The following REST variants were observed in gnomAD, a reference collection of about 807,000 sequenced individuals.
The protein encoded by REST is RE1 silencing transcription factor, also known as RE1-silencing transcription factor.
REST carries 1 observed loss-of-function variant against 30.4 expected under a neutral mutation model. That is an observed-to-expected ratio of 0.03 (90% confidence interval 0.01 to 0.16). The LOEUF (loss-of-function observed/expected upper bound fraction) is 0.16. Among genes scored for constraint, REST ranks in the 10% least tolerant of loss-of-function variants. REST has a pLI of 1.00. For synonymous variants in REST, 504 were observed against 451.1 expected, an observed-to-expected ratio of 1.12 and a Z score of -1.49; for missense variants, 1,259 against 1,329.5, an observed-to-expected ratio of 0.95 and a Z score of 0.82.
chr4:56,930,699 G>A lies in REST; in HGVS notation c.1841G>A (p.Gly614Glu). The stretch of plus-strand genomic sequence containing the variant: ...GCTCAGATGGACCCTCCTCAGATGG[G>A]GCCTGCTCCCACAGAGGCGGTTCAG... ...GSAQMDPPQM[G>E]PAPTEAVQKG... Residue 614 changes from glycine to glutamate, a missense_variant, in exon 4 of 4, where the codon GGG becomes GAG. Coordinates refer to ENST00000309042, the MANE Select transcript of REST (RefSeq NM_005612.5). The A allele has an allele frequency of 6.2e-7, 1 of 1,608,848 alleles. No homozygotes were observed. Among genetic ancestry groups the A allele is most frequent in the Non-Finnish European group, 8.5e-7 (1 of 1,178,706 alleles).
chr4:56,927,704 A>T (rs1720775005), intron 3 of REST: 3 of 992,928 alleles, frequency 3.0e-6, no homozygotes, highest in African/African-American at 1.7e-5. Flanking sequence ...TATGCCTTTA[A>T]TTTGGGGGTG....
chr4:56,910,156 T>G (rs888313622), intron 1 of REST, among the ~76,000 whole-genome samples: 1 of 152,212 alleles, frequency 6.6e-6, no homozygotes, highest in African/African-American at 2.4e-5. Flanking sequence ...CCAGATGTGT[T>G]TGTGTACTTA....
Position 56,917,431 on chromosome 4 carries a change from C to G in REST, c.899-2356C>G, listed in dbSNP as rs1720254074. Among the ~76,000 whole-genome samples the G allele has an allele frequency of 2.0e-5, 3 of 152,138 alleles. No homozygotes were observed. In the South Asian group the frequency reaches 6.2e-4, roughly 31 times the overall value. On this transcript the variant is annotated intron_variant, in intron 2 of 3. Coordinates refer to ENST00000309042, the MANE Select transcript of REST (RefSeq NM_005612.5). ...CCTCGGCCTTCTGGGCTCAAATGAT[C>G]CGCCTACCTCCCAAAGTGCTGGGAT...
chr4:56,932,290 GGACTTTTT>G lies in REST; in HGVS notation c.*139_*146del. The G allele has an allele frequency of 1.0e-6, 1 of 967,248 alleles. No homozygotes were observed. Among genetic ancestry groups the G allele is most frequent in the South Asian group, 1.8e-5 (1 of 56,410 alleles). 59.9% of individuals were successfully genotyped at this position (967,248 alleles called of 1,614,324 possible). On this transcript the variant is annotated 3_prime_UTR_variant, in exon 4 of 4. Coordinates refer to ENST00000309042, the MANE Select transcript of REST (RefSeq NM_005612.5). ...TTTTTAAGTGGCATTCTTTTCCTTA[GGACTTTTT>G]ATGTATACCTGTTGATTGTTGTGTA... is the stretch of plus-strand genomic sequence containing the variant.
At chr4:56,917,543 T>C (rs565347362) in intron 2 of REST, among the ~76,000 whole-genome samples, 1 of 152,278 alleles carries the variant, frequency 6.6e-6, no homozygotes, top group African/African-American at 2.4e-5. Context: ...GTTTCTGTCT[T>C]AGACAAAATT....
chr4:56,930,132 T>G lies in REST; in HGVS notation c.1274T>G (p.Val425Gly). The G allele has an allele frequency of 6.2e-7, 1 of 1,613,306 alleles. No homozygotes were observed. ...AATAAAACAATGGATGTCTCAAAAGTGAAACTAAAGAAAACCAAAAAACGA... is the reference window on the plus strand; with the variant it reads ...AATAAAACAATGGATGTCTCAAAAGGGAAACTAAAGAAAACCAAAAAACGA... ...CPNKTMDVSK[V>G]KLKKTKKREA... The change falls in exon 4 of 4, where the codon GTG becomes GGG. Residue 425 changes from valine to glycine, a missense_variant. Val to Gly is a moderately radical substitution (Grantham distance 109). Transcript: ENST00000309042.
Position 56,933,191 on chromosome 4 carries a change from TACCA to T in REST, c.*1044_*1047del, listed in dbSNP as rs1007434045. 3 of 152,202 alleles carry T rather than the reference TACCA, an allele frequency of 2.0e-5. No homozygotes were observed. Among genetic ancestry groups the T allele is most frequent in the Admixed American group, 1.3e-4 (2 of 15,276 alleles). The allele number at this position is 152,202 out of a possible 1,614,324, so 9.4% of individuals were successfully genotyped here. ...ATGTCGAACAAATTTTTATCTCAAATACCAACCATCAGTTTTTTTTTTCATGTGT... is the reference window on the plus strand; with the variant it reads ...ATGTCGAACAAATTTTTATCTCAAATACCATCAGTTTTTTTTTTCATGTGT... On this transcript the variant is annotated 3_prime_UTR_variant, in exon 4 of 4. Transcript: ENST00000309042.
chr4:56,913,528 G>A (rs2109530487), intron 2 of REST, among the ~76,000 whole-genome samples: 1 of 152,308 alleles, frequency 6.6e-6, no homozygotes, highest in East Asian at 1.9e-4. Context: ...GGTGTGGGAT[G>A]CTGTTTGCCT....
chr4:56,929,537 C>T lies in REST; in HGVS notation c.983-304C>T, dbSNP rs139367103. Among the ~76,000 whole-genome samples the T allele has an allele frequency of 5.0e-4, 76 of 152,296 alleles. 1 individual carries two copies. The South Asian group carries it at 0.014, about 28-fold the overall frequency. On this transcript the variant is annotated intron_variant, in intron 3 of 3. Coordinates refer to ENST00000309042, the MANE Select transcript of REST (RefSeq NM_005612.5). ...TGATAATATTCCTCCAAATTAACATCCAGAGCCCAATTGAACTTTGCCAAT... is the reference window on the plus strand; with the variant it reads ...TGATAATATTCCTCCAAATTAACATTCAGAGCCCAATTGAACTTTGCCAAT...
intron 3 of REST, among the ~76,000 whole-genome samples, chr4:56,921,017 C>A (rs1043001118): frequency 6.6e-6 from 1 of 152,010 alleles, no homozygotes; most frequent in African/African-American, 2.4e-5. Flanking sequence ...AGGCGCGCAC[C>A]ACCATGCCCG....
rs1720997680 is a variant in REST, at chr4:56,932,079, A to T, written c.3221A>T (p.Asp1074Val). The T allele has an allele frequency of 6.2e-7, 1 of 1,614,260 alleles. No homozygotes were observed. The highest frequency in any genetic ancestry group is 8.5e-7 in the Non-Finnish European group (1 of 1,180,054). The change falls in exon 4 of 4, where the codon GAT (aspartate) becomes GTT (valine). Residue 1074 changes from aspartate to valine, a missense_variant. Asp to Val is a radical substitution (Grantham distance 152). Around this residue, in one of 5 missense-constraint regions of REST, gnomAD observed 25 missense variants for 33.2 expected, o/e 0.75. Coordinates refer to ENST00000309042, the MANE Select transcript of REST (RefSeq NM_005612.5). Reference sequence around the variant, plus strand: ...GATCGTTCTTTCAGAAAGGGAAAAGATTACAGCAAACACCTCAATCGCCAT... The same window carrying T: ...GATCGTTCTTTCAGAAAGGGAAAAGTTTACAGCAAACACCTCAATCGCCAT... ...FCDRSFRKGKDYSKHLNRHLV... is the reference protein window; with the variant it reads ...FCDRSFRKGKVYSKHLNRHLV...
rs1719886790 is a variant in REST, at chr4:56,911,169, C to T, written c.531C>T (p.His177=). 3.1e-6 allele frequency: 5 copies of T among 1,614,204 alleles called. No individual in the cohort carries two copies. Among genetic ancestry groups the T allele is most frequent in the Non-Finnish European group, 4.2e-6 (5 of 1,180,052 alleles). Residue 177 remains histidine (H), a synonymous_variant, in exon 2 of 4, where the codon CAC becomes CAT. Coordinates refer to ENST00000309042, the MANE Select transcript of REST (RefSeq NM_005612.5). ...EAESEEQFVH[H]IRVHSAKKFF... ...AATCTGAAGAACAGTTTGTGCATCA[C>T]ATCAGAGTTCACAGTGCTAAGAAAT...
chr4:56,922,909 G>A (rs561300746), intron 3 of REST, among the ~76,000 whole-genome samples: 1 of 152,260 alleles, frequency 6.6e-6, no homozygotes, highest in East Asian at 1.9e-4. Flanking sequence ...ATAATGTTAG[G>A]TCACTGCATT....
At chr4:56,925,363 C>CTA (rs74926744) in intron 3 of REST, among the ~76,000 whole-genome samples, 14,059 of 151,996 alleles carry the variant, frequency 0.092, 770 homozygotes, top group East Asian at 0.21. Flanking sequence ...TAGGCTTGTG[C>CTA]TATAACATGT....
At chr4:56,915,083 C>A (rs1720126177) in intron 2 of REST, among the ~76,000 whole-genome samples, 1 of 151,442 alleles carries the variant, frequency 6.6e-6, no homozygotes, top group African/African-American at 2.4e-5. Context: ...CGCCACCACA[C>A]CTGCTAATTT....
Position 56,932,012 on chromosome 4 carries a change from G to A in REST, c.3154G>A (p.Ala1052Thr). 2 of 1,614,224 alleles carry A rather than the reference G, an allele frequency of 1.2e-6. No individual in the cohort carries two copies. The highest frequency in any genetic ancestry group is 1.7e-6 in the Non-Finnish European group (2 of 1,180,034). ...SSRKNAKEAL[A>T]VKAAKGDFVC... Reference sequence around the variant, plus strand: ...CAGAAAAAATGCAAAGGAAGCCTTGGCAGTCAAAGCGGCTAAGGGAGATTT... The same window carrying A: ...CAGAAAAAATGCAAAGGAAGCCTTGACAGTCAAAGCGGCTAAGGGAGATTT... The change falls in exon 4 of 4, where the codon GCA becomes ACA. Residue 1052 changes from alanine (A) to threonine (T), a missense_variant. By Grantham distance (58) the Ala-to-Thr change is moderately conservative (BLOSUM62 0). Coordinates refer to ENST00000309042, the MANE Select transcript of REST (RefSeq NM_005612.5).
chr4:56,927,836 A>G (rs1214647232), intron 3 of REST, among the ~76,000 whole-genome samples: 1 of 152,186 alleles, frequency 6.6e-6, no homozygotes, highest in Non-Finnish European at 1.5e-5. Context: ...GTGGGGGGAA[A>G]ATCAAGAAAG....
intron 2 of REST, among the ~76,000 whole-genome samples, chr4:56,918,136 C>CTT (rs1720289657): frequency 6.6e-6 from 1 of 150,922 alleles, no homozygotes; most frequent in African/African-American, 2.4e-5. Context: ...GTCTTAAATT[C>CTT]TTCAGTATTA....
In REST at chr4:56,929,950, A is replaced by G. The variant is rs111419653; in HGVS notation, c.1092A>G (p.Pro364=). ...ATGGGCCTAAACCTCTTAATTGCCC[A>G]CACTGTGATTACAAAACAGCAGATA... ...VHNGPKPLNC[P]HCDYKTADRS... is the part of the protein sequence containing the mutation. Residue 364 remains proline (P), a synonymous_variant, in exon 4 of 4, where the codon CCA becomes CCG. Transcript: ENST00000309042. 6.2e-7 allele frequency: 1 copy of G among 1,614,210 alleles called. No homozygotes were observed. Among genetic ancestry groups the G allele is most frequent in the Non-Finnish European group, 8.5e-7 (1 of 1,180,044 alleles).
Sources: allele counts gnomAD v4.1 joint callset (sites outside exome capture counted in the v4.1 genomes callset), GRCh38; gene constraint gnomAD v4.1.1; regional missense constraint gnomAD v4.1.1; transcripts MANE v1.5; gene names NCBI Gene and HGNC (gene_info 2026-07-23, HGNC 2026-07-21).